The following GRAMD2B variants were observed in gnomAD, a reference collection of about 807,000 sequenced individuals.
The protein encoded by GRAMD2B is GRAM domain containing 2B, also known as GRAM domain-containing protein 2B.
Under a neutral mutation model 59.2 loss-of-function variants are expected in GRAMD2B, and 41 were observed. That is an observed-to-expected ratio of 0.69 (90% confidence interval 0.54 to 0.90). The LOEUF is 0.90. Among genes scored for constraint, GRAMD2B ranks in the 40% least tolerant of loss-of-function variants. The probability of loss-of-function intolerance (pLI) is 0.00; values close to 1 mark genes in which losing one functional copy is unlikely to be tolerated. For synonymous variants in GRAMD2B, 161 were observed against 182.7 expected, an observed-to-expected ratio of 0.88 and a Z score of 0.96; for missense variants, 424 against 500.5, an observed-to-expected ratio of 0.85 and a Z score of 1.46.
At position 126,486,946 on chromosome 5, in the gene GRAMD2B, C is replaced by G. The variant is rs150785911; in HGVS notation, c.1132C>G (p.Leu378Val). 2.3e-5 allele frequency: 37 copies of G among 1,609,892 alleles called. No homozygotes were observed. The African/African-American group carries it at 3.9e-4, about 17-fold the overall frequency. The part of the protein sequence containing the change: ...INTLEEQLGL[L>V]TSIVDTHNTE... ...TACTCTGGAGGAGCAGCTGGGGTTA[C>G]TAACCTCCATTGTGGACACCCATAA... is the stretch of plus-strand genomic sequence containing the variant. Residue 378 changes from leucine to valine, a missense_variant, in exon 12 of 14, where the codon CTA becomes GTA. By Grantham distance (32) the Leu-to-Val change is conservative. Coordinates refer to ENST00000285689, the MANE Select transcript of GRAMD2B (RefSeq NM_023927.4).
chr5:126,423,473 T>G lies in GRAMD2B; in HGVS notation c.-134T>G, dbSNP rs996652926. 3.5e-6 allele frequency: 5 copies of G among 1,448,840 alleles called. No homozygotes were observed. The highest frequency in any genetic ancestry group is 4.5e-6 in the Non-Finnish European group (5 of 1,106,692). The allele number at this position is 1,448,840 out of a possible 1,614,324, so 89.7% of individuals were successfully genotyped here. A position where few individuals can be genotyped will look rare whatever the true frequency, so the allele number is the denominator to read the frequency against. On this transcript the variant is annotated 5_prime_UTR_variant, in exon 1 of 14. It removes an upstream start codon present in the reference 5' UTR. Transcript: ENST00000285689. ...GGAGCTTGGCGCGGCCCGGCCTGGA[T>G]GCGCTGGGCGGAGGGTGCAGGGGAG...
At chr5:126,402,769 G>T (rs999041596) in intron 1 of GRAMD2B, among the ~76,000 whole-genome samples, 2 of 151,800 alleles carry the variant, frequency 1.3e-5, no homozygotes, top group Non-Finnish European at 2.9e-5. Flanking sequence ...ACAGGCCAAG[G>T]ATATTATGTA....
In GRAMD2B at chr5:126,383,157, C is replaced by A. The variant is rs113691620; in HGVS notation, c.125+11590C>A. Among the ~76,000 whole-genome samples, 642 of 152,274 alleles carry A rather than the reference C, an allele frequency of 4.2e-3. 3 individuals are homozygous for A. Among genetic ancestry groups the A allele is most frequent in the African/African-American group, 0.014 (598 of 41,564 alleles). On this transcript the variant is annotated intron_variant, in intron 1 of 8. Transcript: ENST00000506445. ...TAAATGAAGTTTTAAATTTCATGGA[C>A]ATTTATTTTGGATGAATTTAGCTTA... is the stretch of plus-strand genomic sequence containing the variant.
exon 1 of GRAMD2B, chr5:126,360,301 A>G (rs1462832358): frequency 1.3e-6 from 2 of 1,550,130 alleles, no homozygotes; most frequent in South Asian, 2.4e-5. Flanking sequence ...CATTTCCCAG[A>G]GTTTCTTGAA....
At chr5:126,478,666 G>A (rs1447049932) in intron 6 of GRAMD2B, among the ~76,000 whole-genome samples, 3 of 151,362 alleles carry the variant, frequency 2.0e-5, no homozygotes, top group Non-Finnish European at 4.4e-5. Flanking sequence ...GCTTGAGCCT[G>A]GGAGACAGAG....
upstream of GRAMD2B, chr5:126,423,400 G>A (rs2149780272): frequency 5.9e-6 from 8 of 1,364,258 alleles, no homozygotes; most frequent in East Asian, 6.2e-5. Flanking sequence ...TTCCACAGTG[G>A]GTCGGACCAA....
At chr5:126,455,485 T>A (rs556687252) in intron 1 of GRAMD2B, among the ~76,000 whole-genome samples, 3 of 152,196 alleles carry the variant, frequency 2.0e-5, no homozygotes, top group Non-Finnish European at 4.4e-5. Flanking sequence ...GTCTGCATAT[T>A]GTGCTTCTGC....
chr5:126,454,793 G>A (rs1398713837), intron 1 of GRAMD2B, among the ~76,000 whole-genome samples: 3 of 152,196 alleles, frequency 2.0e-5, no homozygotes, highest in Non-Finnish European at 2.9e-5. Flanking sequence ...TGCTACAGCA[G>A]TGTGCTTGAG....
At chr5:126,449,109 T>G (rs369393032) in intron 1 of GRAMD2B, among the ~76,000 whole-genome samples, 1 of 152,212 alleles carries the variant, frequency 6.6e-6, no homozygotes, top group African/African-American at 2.4e-5. Context: ...TGCATATTTG[T>G]GGTGGGAGAA....
chr5:126,482,508 A>C (rs1274914717), intron 8 of GRAMD2B, among the ~76,000 whole-genome samples: 1 of 152,244 alleles, frequency 6.6e-6, no homozygotes, highest in Non-Finnish European at 1.5e-5. Flanking sequence ...TTCTTCATCC[A>C]TTAAAATGCC....
upstream of GRAMD2B, among the ~76,000 whole-genome samples, chr5:126,420,624 A>G (rs915508519): frequency 1.3e-5 from 2 of 152,218 alleles, no homozygotes; most frequent in African/African-American, 4.8e-5. Context: ...AGCCCATGCT[A>G]AGACTGCTTT....
intron 1 of GRAMD2B, among the ~76,000 whole-genome samples, chr5:126,406,981 T>G (rs1408314507): frequency 6.6e-6 from 1 of 152,080 alleles, no homozygotes. Context: ...TAAAGCTATC[T>G]GCTCTGTGCA....
chr5:126,483,493 G>A lies in GRAMD2B; in HGVS notation c.766G>A (p.Gly256Arg). 1 of 1,611,474 alleles carries A rather than the reference G, an allele frequency of 6.2e-7. No homozygotes were observed. The change falls in exon 9 of 14, where the codon GGA (glycine) becomes AGA (arginine). Residue 256 changes from glycine (G) to arginine (R), a missense_variant. Gly to Arg is a moderately radical substitution (Grantham distance 125, BLOSUM62 -2). Transcript: ENST00000285689. ...DFNDEFSDLD[G>R]VVQQRRQDME... ...CAATGATGAATTCTCAGATCTGGAT[G>A]GAGTGGTTCAACAAAGAAGGCAAGA... is the stretch of plus-strand genomic sequence containing the variant.
chr5:126,436,255 CATA>C (rs1362513271), intron 1 of GRAMD2B, among the ~76,000 whole-genome samples: 1 of 152,130 alleles, frequency 6.6e-6, no homozygotes, highest in African/African-American at 2.4e-5. Context: ...CTTATATTTA[CATA>C]ATAATTGAAT....
At chr5:126,375,611 C>A (rs1017685236) in intron 1 of GRAMD2B, among the ~76,000 whole-genome samples, 5 of 152,098 alleles carry the variant, frequency 3.3e-5, no homozygotes, top group Non-Finnish European at 5.9e-5. Context: ...ACCTCGTGAT[C>A]CACCCTTCTC....
At chr5:126,454,482 T>C (rs560299036) in intron 1 of GRAMD2B, among the ~76,000 whole-genome samples, 1 of 152,272 alleles carries the variant, frequency 6.6e-6, no homozygotes, top group South Asian at 2.1e-4. Flanking sequence ...TCAAGCTAGT[T>C]TGAGTTGGGT....
At chr5:126,455,711 T>C (rs1766160167) in intron 1 of GRAMD2B, among the ~76,000 whole-genome samples, 1 of 152,234 alleles carries the variant, frequency 6.6e-6, no homozygotes, top group Admixed American at 6.5e-5. Flanking sequence ...CAAATAGAAA[T>C]ATAATTTACA....
At chr5:126,384,524 TGAG>T (rs1482922694) in intron 1 of GRAMD2B, among the ~76,000 whole-genome samples, 2 of 152,208 alleles carry the variant, frequency 1.3e-5, no homozygotes, top group African/African-American at 2.4e-5. Context: ...TAATATTCCA[TGAG>T]GAGATCTCAC....
intron 1 of GRAMD2B, among the ~76,000 whole-genome samples, chr5:126,437,416 T>C (rs76767953): frequency 3.3e-5 from 5 of 152,286 alleles, no homozygotes; most frequent in Non-Finnish European, 7.4e-5. Context: ...GGATTTGGGG[T>C]ATTAAAAATG....
Sources: gnomAD v4.1 joint callset for allele counts (sites outside exome capture counted in the v4.1 genomes callset) on GRCh38, gnomAD v4.1.1 for gene constraint, MANE v1.5 for transcripts, NCBI Gene and HGNC (gene_info 2026-07-23, HGNC 2026-07-21) for gene names.